The following NT5DC4 variants were observed in gnomAD, a reference collection of about 807,000 sequenced individuals.
NT5DC4 encodes 5'-nucleotidase domain-containing protein 4.
A neutral mutation model predicts 26.6 loss-of-function variants in NT5DC4; 44 were observed. That is an observed-to-expected ratio of 1.65 (90% confidence interval 1.30 to 2.13). NT5DC4 has a LOEUF of 2.13. Among genes scored for constraint, NT5DC4 ranks in the 30% most tolerant of loss-of-function variants. The pLI, the probability that NT5DC4 is intolerant of heterozygous loss-of-function variation, is 0.00. For synonymous variants in NT5DC4, 157 were observed against 86.7 expected, an observed-to-expected ratio of 1.81 and a Z score of -4.51; for missense variants, 399 against 228.1, an observed-to-expected ratio of 1.75 and a Z score of -4.83.
Position 112,739,050 on chromosome 2 carries a change from TGA to T in NT5DC4, c.*119_*120del, listed in dbSNP as rs1156841267. 1.2e-6 allele frequency: 2 copies of T among 1,610,154 alleles called. No individual in the cohort carries two copies. Among genetic ancestry groups the T allele is most frequent in the Non-Finnish European group, 8.5e-7 (1 of 1,176,784 alleles). On this transcript the variant is annotated 3_prime_UTR_variant, in exon 17 of 17. Coordinates refer to ENST00000688554, the MANE Select transcript of NT5DC4 (RefSeq NM_001393655.1). ...TGCACTTCCGGCATCCCATTTATTCTGAGAGACAGCAAGAGATGCATTAAAAA... is the reference window on the plus strand; with the variant it reads ...TGCACTTCCGGCATCCCATTTATTCTGAGACAGCAAGAGATGCATTAAAAA...
chr2:112,722,707 C>G lies in NT5DC4; in HGVS notation c.470-7C>G, dbSNP rs1055765902. The G allele has an allele frequency of 5.6e-6, 4 of 717,620 alleles. No individual in the cohort carries two copies. Among genetic ancestry groups the G allele is most frequent in the South Asian group, 4.4e-5 (3 of 67,610 alleles). 44.5% of individuals were successfully genotyped at this position (717,620 alleles called of 1,614,324 possible). A position where few individuals can be genotyped will look rare whatever the true frequency, so the allele number is the denominator to read the frequency against. Reference sequence around the variant, plus strand: ...GGCTGACAACTGACCATCCTGTCTGCCCCCAGAAACCTACCTCTATGCCTG... The same window carrying G: ...GGCTGACAACTGACCATCCTGTCTGGCCCCAGAAACCTACCTCTATGCCTG... On this transcript the variant is annotated splice_polypyrimidine_tract_variant and splice_region_variant and intron_variant, in intron 5 of 16. Transcript: ENST00000688554.
intron 16 of NT5DC4, among the ~76,000 whole-genome samples, chr2:112,735,283 A>G (rs917995390): frequency 2.6e-5 from 4 of 151,696 alleles, no homozygotes; most frequent in African/African-American, 9.7e-5. Flanking sequence ...ACATCAAATG[A>G]TCCACCCGCC....
Position 112,729,586 on chromosome 2 carries a change from G to A in NT5DC4, c.1267-41G>A, listed in dbSNP as rs577976329. On this transcript the variant is annotated intron_variant, in intron 15 of 16. Coordinates refer to ENST00000688554, the MANE Select transcript of NT5DC4 (RefSeq NM_001393655.1). ...TGAGGAATCCTGGAAGGCCGTACCC[G>A]GGACGGAGTGCTTCACCTCCACCTG... The A allele has an allele frequency of 5.7e-4, 409 of 717,360 alleles. 4 individuals are homozygous for A. The highest frequency in any genetic ancestry group is 5.1e-3 in the South Asian group (345 of 67,588). 44.4% of individuals were successfully genotyped at this position (717,360 alleles called of 1,614,324 possible). A position where few individuals can be genotyped will look rare whatever the true frequency, so the allele number is the denominator to read the frequency against.
intron 16 of NT5DC4, among the ~76,000 whole-genome samples, chr2:112,734,821 C>G (rs1367645482): frequency 6.6e-6 from 1 of 152,112 alleles, no homozygotes; most frequent in East Asian, 1.9e-4. Flanking sequence ...TCCCAAGTAG[C>G]TGGGACTACA....
chr2:112,730,310 C>CAAAAAAA (rs11375761), intron 16 of NT5DC4, among the ~76,000 whole-genome samples: 2 of 76,182 alleles, frequency 2.6e-5, no homozygotes, highest in East Asian at 4.6e-4. Context: ...AAGACTGTCT[C>CAAAAAAA]AAAAAAAAAA....
chr2:112,740,752 G>A, downstream of NT5DC4: 1 of 1,355,124 alleles, frequency 7.4e-7, no homozygotes, highest in Non-Finnish European at 1.0e-6. Flanking sequence ...GATCTGTGAA[G>A]GAAAAATCGA....
chr2:112,735,629 C>T (rs1200412185), intron 16 of NT5DC4, among the ~76,000 whole-genome samples: 1 of 152,140 alleles, frequency 6.6e-6, no homozygotes, highest in Non-Finnish European at 1.5e-5. Flanking sequence ...CATTAAGGGC[C>T]CACCTTCTTT....
chr2:112,727,085 T>A, intron 15 of NT5DC4: 2 of 330,638 alleles, frequency 6.0e-6, no homozygotes, highest in South Asian at 3.7e-5. Flanking sequence ...TTAGGGCCAG[T>A]GAGCCCAGGG....
intron 11 of NT5DC4, 65 bp from the exon 12 acceptor site, chr2:112,725,109 C>A (rs564025722): frequency 1.5e-6 from 1 of 678,998 alleles, no homozygotes. Context: ...CTCCCTGCGA[C>A]CCTCCCTAGC....
chr2:112,735,049 T>C lies in NT5DC4; in HGVS notation c.1345-3864T>C, dbSNP rs900362081. ...AGGGAGGCAAGAACATTTTTTTTTT[T>C]TTTTTTTTTTTTGAGACTGAGTCTT... is the stretch of plus-strand genomic sequence containing the variant. On this transcript the variant is annotated intron_variant, in intron 16 of 16. Transcript: ENST00000688554. Among the ~76,000 whole-genome samples the C allele has an allele frequency of 2.3e-3, 326 of 144,486 alleles. 10 individuals are homozygous for C. In the East Asian group the frequency reaches 0.038, roughly 17 times the overall value. The allele number at this position is 144,486 out of a possible 152,430, so 94.8% of individuals were successfully genotyped here.
rs1192300460 is a variant in NT5DC4, at chr2:112,722,020, C to T, written c.183C>T (p.Phe61=). 1.1e-5 allele frequency: 8 copies of T among 717,138 alleles called. No homozygotes were observed. Among genetic ancestry groups the T allele is most frequent in the Admixed American group, 1.0e-4 (5 of 50,006 alleles). The allele number at this position is 717,138 out of a possible 1,614,324, so 44.4% of individuals were successfully genotyped here. ...YKSPAYEALT[F]ELLLERLVCI... is the part of the protein sequence containing the mutation. ...CCCCAGCTTATGAGGCCCTGACCTT[C>T]GAGCTGCTGCTGGAGCGCCTGGTGT... Residue 61 remains phenylalanine (F), a synonymous_variant, in exon 3 of 17, where the codon TTC becomes TTT. Coordinates refer to ENST00000688554, the MANE Select transcript of NT5DC4 (RefSeq NM_001393655.1).
chr2:112,728,244 G>C (rs1678012752), intron 15 of NT5DC4, among the ~76,000 whole-genome samples: 1 of 152,136 alleles, frequency 6.6e-6, no homozygotes, highest in Non-Finnish European at 1.5e-5. Context: ...ACACTATCTC[G>C]TCATTTCCTT....
chr2:112,740,885 G>A (rs2104854245), downstream of NT5DC4: 1 of 1,614,020 alleles, frequency 6.2e-7, no homozygotes, highest in Admixed American at 1.7e-5. Flanking sequence ...GCTATTCGGG[G>A]TGTCGCCGTG....
At chr2:112,738,497 T>C (rs1679545276) in intron 16 of NT5DC4, 1 of 246,526 alleles carries the variant, frequency 4.1e-6, no homozygotes, top group African/African-American at 2.3e-5. Flanking sequence ...CATTATATTG[T>C]GGGACCAACC....
At chr2:112,731,913 TTTAC>T (rs1678529764) in intron 16 of NT5DC4, among the ~76,000 whole-genome samples, 1 of 149,832 alleles carries the variant, frequency 6.7e-6, no homozygotes, top group African/African-American at 2.5e-5. Context: ...AATCAGAGAG[TTTAC>T]TTTTTTTTTT....
At position 112,725,638 on chromosome 2, in the gene NT5DC4, G is replaced by C. The variant is rs969087018; in HGVS notation, c.1153+86G>C. The C allele has an allele frequency of 5.5e-5, 32 of 585,820 alleles. No individual in the cohort carries two copies. In the South Asian group the frequency reaches 6.3e-4, roughly 12 times the overall value. The allele number at this position is 585,820 out of a possible 1,614,324, so 36.3% of individuals were successfully genotyped here. A position where few individuals can be genotyped will look rare whatever the true frequency, so the allele number is the denominator to read the frequency against. Reference sequence around the variant, plus strand: ...CACTGCCTTCTCCTTTTTCCCGTGGGGGGTTAGTAGTTGTGACCAGGAATC... The same window carrying C: ...CACTGCCTTCTCCTTTTTCCCGTGGCGGGTTAGTAGTTGTGACCAGGAATC... On this transcript the variant is annotated intron_variant, in intron 13 of 16. Coordinates refer to ENST00000688554, the MANE Select transcript of NT5DC4 (RefSeq NM_001393655.1).
intron 16 of NT5DC4, among the ~76,000 whole-genome samples, chr2:112,729,993 G>C (rs1678287682): frequency 6.6e-6 from 1 of 152,142 alleles, no homozygotes; most frequent in East Asian, 1.9e-4. Flanking sequence ...GGATGGAAAA[G>C]TAGAAGCTAA....
upstream of NT5DC4, among the ~76,000 whole-genome samples, chr2:112,720,253 G>GA (rs1306093099): frequency 2.7e-5 from 4 of 148,670 alleles, no homozygotes; most frequent in Non-Finnish European, 5.9e-5. Context: ...TTTTAGTAGA[G>GA]ACAGGGTTTC....
At chr2:112,725,018 C>A in intron 11 of NT5DC4, 112 bp downstream of exon 11, 1 of 657,870 alleles carries the variant, frequency 1.5e-6, no homozygotes, top group South Asian at 1.7e-5. Flanking sequence ...TCCCTGGAGG[C>A]AGGGAACCCG....
Sources: gnomAD v4.1 joint callset for allele counts (sites outside exome capture counted in the v4.1 genomes callset) on GRCh38, gnomAD v4.1.1 for gene constraint, MANE v1.5 for transcripts, NCBI Gene and HGNC (gene_info 2026-07-23, HGNC 2026-07-21) for gene names.